The following PDE6A variants were observed in gnomAD, a reference collection of about 807,000 sequenced individuals.
The protein encoded by PDE6A is rod cGMP-specific 3',5'-cyclic phosphodiesterase subunit alpha.
Under a neutral mutation model 106.3 loss-of-function variants are expected in PDE6A, and 84 were observed. That is an observed-to-expected ratio of 0.79 (90% CI 0.66 to 0.95). PDE6A has a LOEUF of 0.95. Ranked by LOEUF, PDE6A falls within the 40% of genes least tolerant of loss-of-function variation. The pLI, the probability that PDE6A is intolerant of heterozygous loss-of-function variation, is 0.00. For synonymous variants in PDE6A, 394 were observed against 386.6 expected, an observed-to-expected ratio of 1.02 and a Z score of -0.23; for missense variants, 1,052 against 1,084.9, an observed-to-expected ratio of 0.97 and a Z score of 0.43.
Position 149,933,936 on chromosome 5 carries a change from A to C in PDE6A, c.711T>G (p.Arg237=). Residue 237 remains arginine, a synonymous_variant, in exon 3 of 22, where the codon CGT becomes CGG. Coordinates refer to ENST00000255266, the MANE Select transcript of PDE6A (RefSeq NM_000440.3). Reference sequence around the variant, plus strand: ...CTTGGCCCAAGCCCCTTACCTGGCCACGTCGAGTTTCACAGTTGTGCAGGT... The same window carrying C: ...CTTGGCCCAAGCCCCTTACCTGGCCCCGTCGAGTTTCACAGTTGTGCAGGT... ...LSYLHNCETR[R]GQILLWSGSK... is the part of the protein sequence containing the mutation. The C allele has an allele frequency of 6.2e-7, 1 of 1,612,854 alleles. No homozygotes were observed. The highest frequency in any genetic ancestry group is 1.1e-5 in the South Asian group (1 of 90,940).
At chr5:149,928,211 A>C (rs1753920418) in intron 4 of PDE6A, among the ~76,000 whole-genome samples, 2 of 39,068 alleles carry the variant, frequency 5.1e-5, no homozygotes, top group African/African-American at 4.7e-4. Flanking sequence ...TGTATGTGCT[A>C]TATATATATA....
chr5:149,913,683 G>C (rs62380661), intron 6 of PDE6A, among the ~76,000 whole-genome samples: 2 of 152,202 alleles, frequency 1.3e-5, no homozygotes, highest in South Asian at 4.2e-4. Context: ...GCTCTCCCAC[G>C]AACCGAATTA....
At chr5:149,911,969 A>G (rs530141850) in intron 6 of PDE6A, among the ~76,000 whole-genome samples, 37 of 152,182 alleles carry the variant, frequency 2.4e-4, no homozygotes, top group Non-Finnish European at 4.6e-4. Flanking sequence ...GCCTGGCAAC[A>G]TAGTGAGACT....
rs73269784 is a variant in PDE6A at position 149,935,361 on chromosome 5, C to T, written c.475-643G>A. ...GATAAGGTTAGACTTGGGTCTAGGT[C>T]ATTGAACAAAAGAATTTGTTATTTT... is the stretch of plus-strand genomic sequence containing the variant. On this transcript the variant is annotated intron_variant, in intron 1 of 21. Transcript: ENST00000255266. Among the ~76,000 whole-genome samples the T allele has an allele frequency of 2.9e-3, 448 of 152,128 alleles. 1 individual carries two copies. Among genetic ancestry groups the T allele is most frequent in the African/African-American group, 0.01 (435 of 41,500 alleles).
At chr5:149,895,042 A>G (rs1311022272) in intron 13 of PDE6A, 141 bp downstream of exon 13, 17 of 682,806 alleles carry the variant, frequency 2.5e-5, no homozygotes, top group Non-Finnish European at 1.9e-5. Context: ...TTTTACACTA[A>G]GCCCGTACTG....
In PDE6A at chr5:149,914,940, T is replaced by C. The variant is rs1753504990; in HGVS notation, c.998+3A>G. The C allele has an allele frequency of 6.2e-7, 1 of 1,601,236 alleles. No individual in the cohort carries two copies. The highest frequency in any genetic ancestry group is 1.3e-5 in the African/African-American group (1 of 74,638). On this transcript the variant is annotated splice_donor_region_variant and intron_variant, in intron 6 of 21. Coordinates refer to ENST00000255266, the MANE Select transcript of PDE6A (RefSeq NM_000440.3). ...ATTTTGTCTTTTGACAGGTGAAACTTACGGGATGACTTTGATGTCCTCTTT... is the reference window on the plus strand; with the variant it reads ...ATTTTGTCTTTTGACAGGTGAAACTCACGGGATGACTTTGATGTCCTCTTT...
intron 4 of PDE6A, among the ~76,000 whole-genome samples, chr5:149,926,506 T>C (rs920343450): frequency 6.6e-6 from 1 of 152,326 alleles, no homozygotes; most frequent in South Asian, 2.1e-4. Flanking sequence ...TAGAGCTATA[T>C]GTGAAAGTTA....
Position 149,896,442 on chromosome 5 carries a change from G to A in PDE6A, c.1534C>T (p.Pro512Ser), listed in dbSNP as rs138002814. 2.4e-4 allele frequency: 394 copies of A among 1,613,906 alleles called. No individual in the cohort carries two copies. Among genetic ancestry groups the A allele is most frequent in the Non-Finnish European group, 3.1e-4 (364 of 1,179,780 alleles). ...EINKFHFSDL[P>S]LTELELVKCG... ...TTTACCAGCTCCAGTTCTGTTAGGGGTAAGTCACTGAAGTGAAATTTATTA... is the reference window on the plus strand; with the variant it reads ...TTTACCAGCTCCAGTTCTGTTAGGGATAAGTCACTGAAGTGAAATTTATTA... Residue 512 changes from proline (P) to serine (S), a missense_variant, in exon 12 of 22, where the codon CCC (proline) becomes TCC (serine). Physicochemically the swap from Pro to Ser is moderately conservative, Grantham distance 74. Around this residue, in one of 3 missense-constraint regions of PDE6A, gnomAD observed 913 missense variants for 915.2 expected, o/e 1.00. Transcript: ENST00000255266.
chr5:149,933,111 G>A (rs994977412), intron 3 of PDE6A, among the ~76,000 whole-genome samples: 2 of 152,088 alleles, frequency 1.3e-5, no homozygotes, highest in African/African-American at 4.8e-5. Context: ...TCCCATCTCA[G>A]CCTCCCCAGC....
At chr5:149,892,742 A>C (rs976755664) in intron 13 of PDE6A, among the ~76,000 whole-genome samples, 2 of 152,064 alleles carry the variant, frequency 1.3e-5, no homozygotes, top group Non-Finnish European at 2.9e-5. Flanking sequence ...AAGCCTCCCA[A>C]AGTGTTGAGA....
intron 4 of PDE6A, among the ~76,000 whole-genome samples, chr5:149,922,296 A>AATTATTATTATTATTATTATT (rs142378973): frequency 6.7e-6 from 1 of 148,900 alleles, no homozygotes; most frequent in Admixed American, 6.7e-5. Context: ...ATTTACAACA[A>AATTATTATTATTATTATTATT]ATTATTATTA....
At chr5:149,867,936 T>C (rs1760391279) in intron 18 of PDE6A, 137 bp from the exon 19 acceptor site, 2 of 1,111,900 alleles carry the variant, frequency 1.8e-6, no homozygotes, top group Non-Finnish European at 2.7e-6. Flanking sequence ...ACTTTTGCTG[T>C]CATCACTGGA....
At chr5:149,886,901 G>T (rs1389382566) in intron 13 of PDE6A, among the ~76,000 whole-genome samples, 2 of 152,194 alleles carry the variant, frequency 1.3e-5, no homozygotes, top group Admixed American at 6.5e-5. Context: ...GTGCTCTGGA[G>T]AGCTGATGCT....
intron 13 of PDE6A, 132 bp downstream of exon 13, chr5:149,895,051 T>A: frequency 1.4e-6 from 1 of 701,762 alleles, no homozygotes; most frequent in Middle Eastern, 3.6e-4. Context: ...AAGCCCGTAC[T>A]GCTTTCACAT....
chr5:149,934,005 G>A lies in PDE6A; in HGVS notation c.642C>T (p.Tyr214=). ...TKRDEEILLK[Y]LNFANLIMKV... ...TCATGATTAGATTTGCAAAATTGAG[G>A]TACTTGAGAAGAATCTAAAAATCAA... Residue 214 remains tyrosine (Y), a synonymous_variant, in exon 3 of 22, where the codon TAC becomes TAT. Transcript: ENST00000255266. The A allele has an allele frequency of 6.2e-7, 1 of 1,608,770 alleles. No homozygotes were observed. The highest frequency in any genetic ancestry group is 2.2e-5 in the East Asian group (1 of 44,870).
At chr5:149,931,300 A>G in intron 3 of PDE6A, 132 bp from the exon 4 acceptor site, 1 of 843,368 alleles carries the variant, frequency 1.2e-6, no homozygotes, top group Non-Finnish European at 1.9e-6. Flanking sequence ...ATCCAGAGAA[A>G]TAGACAGGTT....
At chr5:149,890,186 A>C (rs1220602965) in intron 13 of PDE6A, among the ~76,000 whole-genome samples, 1 of 151,926 alleles carries the variant, frequency 6.6e-6, no homozygotes, top group Non-Finnish European at 1.5e-5. Context: ...TGAACTCCTG[A>C]CCTCAAATGA....
intron 5 of PDE6A, among the ~76,000 whole-genome samples, chr5:149,921,049 G>A (rs1466545562): frequency 6.6e-6 from 1 of 152,110 alleles, no homozygotes; most frequent in African/African-American, 2.4e-5. Flanking sequence ...CTGTCAGCTG[G>A]AATTGGCTTT....
intron 3 of PDE6A, chr5:149,932,815 T>G: frequency 1.3e-6 from 1 of 743,110 alleles, no homozygotes; most frequent in East Asian, 2.8e-5. Context: ...GAGACACTTT[T>G]GTCCCCCTCC....
Sources: gnomAD v4.1 joint callset for allele counts (sites outside exome capture counted in the v4.1 genomes callset) on GRCh38, gnomAD v4.1.1 for gene constraint, gnomAD v4.1.1 regional missense constraint, MANE v1.5 for transcripts, NCBI Gene and HGNC (gene_info 2026-07-23, HGNC 2026-07-21) for gene names.